The following SENP3 variants were observed in gnomAD, a reference collection of about 807,000 sequenced individuals.
SENP3 encodes the protein sentrin-specific protease 3.
SENP3 carries 11 observed loss-of-function variants against 66.2 expected under a neutral mutation model. That is an observed-to-expected ratio of 0.17 (90% CI 0.10 to 0.28). The LOEUF (loss-of-function observed/expected upper bound fraction) is 0.28. SENP3 is among the 10% of genes least tolerant of loss of function. The probability of loss-of-function intolerance (pLI) is 1.00; values close to 1 mark genes in which losing one functional copy is unlikely to be tolerated. For synonymous variants in SENP3, 292 were observed against 277.6 expected (o/e 1.05, Z -0.52); for missense variants, 548 against 743.7 (o/e 0.74, Z 3.06).
Position 7,564,952 on chromosome 17 carries a change from C to T in SENP3, c.956-7C>T, listed in dbSNP as rs775728169. On this transcript the variant is annotated splice_region_variant and splice_polypyrimidine_tract_variant and intron_variant, in intron 3 of 10. Transcript: ENST00000321337. Reference sequence around the variant, plus strand: ...GCCTCACCCCCTCCTCTCTCCCTTTCCACCAGGCATCTTGGACGAATTCCT... The same window carrying T: ...GCCTCACCCCCTCCTCTCTCCCTTTTCACCAGGCATCTTGGACGAATTCCT... 6.2e-7 allele frequency: 1 copy of T among 1,612,070 alleles called. No individual in the cohort carries two copies. Among genetic ancestry groups the T allele is most frequent in the South Asian group, 1.1e-5 (1 of 91,052 alleles).
chr17:7,565,295 T>C, intron 4 of SENP3, 145 bp from the exon 5 acceptor site: 1 of 944,598 alleles, frequency 1.1e-6, no homozygotes, highest in Non-Finnish European at 1.6e-6. Flanking sequence ...TTCTGGGGAG[T>C]GGGCCTTTCG....
Position 7,562,220 on chromosome 17 carries a change from AGACGCCCGCCTTCGG to A in SENP3, c.-53_-39del. 2.5e-6 allele frequency: 1 copy of A among 398,502 alleles called. No individual in the cohort carries two copies. 24.7% of individuals were successfully genotyped at this position (398,502 alleles called of 1,614,324 possible). On this transcript the variant is annotated 5_prime_UTR_variant, in exon 1 of 11. Coordinates refer to ENST00000321337, the MANE Select transcript of SENP3 (RefSeq NM_015670.6). This position sits in a 1 kb window ranked among gnomAD's most constrained non-coding sequence, Gnocchi z 5.0. ...GATGAGCCGGGAAGCTTGAGGCCGG[AGACGCCCGCCTTCGG>A]GCCCGTCCGCCCGGCTTCCCCGCTC...
intron 2 of SENP3, 135 bp from the exon 3 acceptor site, chr17:7,564,490 G>C: frequency 7.8e-7 from 1 of 1,280,968 alleles, no homozygotes; most frequent in Non-Finnish European, 1.1e-6. Context: ...CTTGGAGTGG[G>C]ATTGACATTG....
intron 6 of SENP3, 92 bp downstream of exon 6, chr17:7,565,856 A>G: frequency 8.9e-7 from 1 of 1,119,654 alleles, no homozygotes; most frequent in South Asian, 1.3e-5. Context: ...TTTTACACAG[A>G]GAGGGTCTCT....
chr17:7,563,034 A>T (rs1319417871), intron 1 of SENP3, 32 bp from the exon 2 acceptor site: 1 of 1,425,746 alleles, frequency 7.0e-7, no homozygotes, highest in Admixed American at 2.9e-5. Flanking sequence ...GGTGATGCTT[A>T]GATTTTGATA....
intron 7 of SENP3, among the ~76,000 whole-genome samples, chr17:7,569,381 T>C (rs1307774708): frequency 5.4e-5 from 2 of 36,912 alleles, no homozygotes; most frequent in East Asian, 2.7e-3. Context: ...CAAGACTCCG[T>C]CTCAAAAAAA....
rs1403465609 is a variant in SENP3 at position 7,565,478 on chromosome 17, G to A, written c.1106G>A (p.Arg369Gln). 5 of 1,613,684 alleles carry A rather than the reference G, an allele frequency of 3.1e-6. No homozygotes were observed. Among genetic ancestry groups the A allele is most frequent in the South Asian group, 2.2e-5 (2 of 91,004 alleles). The change falls in exon 5 of 11, where the codon CGG becomes CAG. Residue 369 changes from arginine to glutamine, a missense_variant. By Grantham distance (43) the Arg-to-Gln change is conservative (BLOSUM62 1). Transcript: ENST00000321337. ...LVLQLIQSYQ[R>Q]MPGNAMVRGF... is the part of the protein sequence containing the mutation. ...TTGCAGCTGATCCAGTCTTACCAGC[G>A]GATGCCAGGCAATGCCATGGTGAGG...
intron 7 of SENP3, among the ~76,000 whole-genome samples, chr17:7,568,003 A>C (rs1440783127): frequency 1.3e-5 from 2 of 151,198 alleles, no homozygotes; most frequent in African/African-American, 4.9e-5. Flanking sequence ...ATGTAGGATA[A>C]ATTTTACGAG....
chr17:7,562,698 TATC>T lies in SENP3; in HGVS notation c.-11-365_-11-363del, dbSNP rs1294409452. Among the ~76,000 whole-genome samples, 67 of 152,220 alleles carry T rather than the reference TATC, an allele frequency of 4.4e-4. No individual in the cohort carries two copies. Among genetic ancestry groups the T allele is most frequent in the Non-Finnish European group, 1.8e-4 (12 of 68,028 alleles). ...TTGCATTCTCCTCAAGTACCACGGTTATCATGTCCCTGAGGAAAGAAACTGCCC... is the reference window on the plus strand; with the variant it reads ...TTGCATTCTCCTCAAGTACCACGGTTATGTCCCTGAGGAAAGAAACTGCCC... On this transcript the variant is annotated intron_variant, in intron 1 of 10. Coordinates refer to ENST00000321337, the MANE Select transcript of SENP3 (RefSeq NM_015670.6). This position sits in a 1 kb window ranked among gnomAD's most constrained non-coding sequence, Gnocchi z 5.0.
intron 7 of SENP3, among the ~76,000 whole-genome samples, chr17:7,568,044 T>C (rs2071281532): frequency 6.6e-6 from 1 of 150,972 alleles, no homozygotes; most frequent in Non-Finnish European, 1.5e-5. Flanking sequence ...GGCTCTGTGA[T>C]ACTGAGAGAT....
rs774437380 is a variant in SENP3, at chr17:7,563,093, A to C, written c.17A>C (p.Gln6Pro). Residue 6 changes from glutamine to proline, a missense_variant, in exon 2 of 11, where the codon CAA becomes CCA. Physicochemically the swap from Gln to Pro is moderately conservative, Grantham distance 76 (BLOSUM62 -1). This residue lies in a region of SENP3 where 164 missense variants were observed against 167.9 expected (regional missense o/e 0.98). Coordinates refer to ENST00000321337, the MANE Select transcript of SENP3 (RefSeq NM_015670.6). MKETI[Q>P]GTGSWGPEPP... is the part of the protein sequence containing the mutation. ...TACTGGAAGATGAAAGAGACTATAC[A>C]AGGGACCGGGTCCTGGGGGCCTGAG... 6.6e-7 allele frequency: 1 copy of C among 1,513,886 alleles called. No homozygotes were observed. Among genetic ancestry groups the C allele is most frequent in the Non-Finnish European group, 8.8e-7 (1 of 1,133,322 alleles). 93.8% of individuals were successfully genotyped at this position (1,513,886 alleles called of 1,614,324 possible).
At position 7,565,548 on chromosome 17, in the gene SENP3, C is replaced by T. The variant is rs773841133; in HGVS notation, c.1176C>T (p.Asp392=). 6.0e-5 allele frequency: 97 copies of T among 1,613,782 alleles called. 1 individual carries two copies. Among genetic ancestry groups the T allele is most frequent in the Non-Finnish European group, 7.9e-5 (93 of 1,179,874 alleles). Residue 392 remains aspartate, a synonymous_variant, in exon 5 of 11, where the codon GAC becomes GAT. Transcript: ENST00000321337. ...AGCGGCACGTGCTGACCATGGATGA[C>T]TTGGGGACCTTGTATGGACAGAACT... The part of the protein sequence containing the change: ...AYKRHVLTMD[D]LGTLYGQNWL...
At chr17:7,564,141 T>G (rs1001560026) in intron 2 of SENP3, among the ~76,000 whole-genome samples, 22 of 152,170 alleles carry the variant, frequency 1.4e-4, no homozygotes, top group Non-Finnish European at 3.1e-4. Flanking sequence ...TGTATACATC[T>G]CCAGAGGGTA....
chr17:7,570,850 A>G lies in SENP3; in HGVS notation c.1564-33A>G, dbSNP rs2071307269. On this transcript the variant is annotated intron_variant, in intron 9 of 10. Transcript: ENST00000321337. The surrounding 1 kb of genome is among the most constrained non-coding windows in gnomAD (Gnocchi z 5.4). ...TGAAGTCCTACCCCTGGGAGTCTCC[A>G]TGTGAAGGGCCTGCTTTCTTTCTCT... The G allele has an allele frequency of 7.5e-6, 12 of 1,610,272 alleles. No homozygotes were observed. Among genetic ancestry groups the G allele is most frequent in the East Asian group, 2.2e-5 (1 of 44,802 alleles).
At position 7,563,216 on chromosome 17, in the gene SENP3, G is replaced by A; in HGVS notation, c.140G>A (p.Gly47Glu). 1 of 1,572,492 alleles carries A rather than the reference G, an allele frequency of 6.4e-7. No individual in the cohort carries two copies. The highest frequency in any genetic ancestry group is 8.6e-7 in the Non-Finnish European group (1 of 1,158,446). The change falls in exon 2 of 11, where the codon GGG becomes GAG. Residue 47 changes from glycine to glutamate, a missense_variant. Coordinates refer to ENST00000321337, the MANE Select transcript of SENP3 (RefSeq NM_015670.6). ...PPKPRLKSGGGFGPDPGSGTT... is the reference protein window; with the variant it reads ...PPKPRLKSGGEFGPDPGSGTT... ...AAACCCCGACTCAAGTCAGGTGGAGGGTTTGGGCCAGATCCTGGGTCAGGG... is the reference window on the plus strand; with the variant it reads ...AAACCCCGACTCAAGTCAGGTGGAGAGTTTGGGCCAGATCCTGGGTCAGGG...
At chr17:7,565,818 G>A (rs2071262844) in intron 6 of SENP3, 54 bp downstream of exon 6, 2 of 1,487,930 alleles carry the variant, frequency 1.3e-6, no homozygotes, top group Non-Finnish European at 1.9e-6. Flanking sequence ...GTTTTAAGCA[G>A]CTTTTTAAGC....
Position 7,564,795 on chromosome 17 carries a change from G to T in SENP3, c.886G>T (p.Ala296Ser), listed in dbSNP as rs753194648. 3.1e-6 allele frequency: 5 copies of T among 1,613,948 alleles called. No homozygotes were observed. Among genetic ancestry groups the T allele is most frequent in the Non-Finnish European group, 4.2e-6 (5 of 1,179,868 alleles). ...CTCAGATTTGGGCATGGCAGAAGAG[G>T]CAGAGAGGCCTGGGGAGAAAGCCGG... Reference protein sequence around the residue: ...QGSDLGMAEEAERPGEKAGQH... With the variant: ...QGSDLGMAEESERPGEKAGQH... Residue 296 changes from alanine to serine, a missense_variant, in exon 3 of 11, where the codon GCA becomes TCA. Ala to Ser is a moderately conservative substitution (Grantham distance 99). This residue lies in a region of SENP3 where 215 missense variants were observed against 230.7 expected (regional missense o/e 0.93). Coordinates refer to ENST00000321337, the MANE Select transcript of SENP3 (RefSeq NM_015670.6).
rs762482230 is a variant in SENP3, at chr17:7,571,492, C to T, written c.*9C>T. Reference sequence around the variant, plus strand: ...GCAAACTCACTGTGTGAGCCTCGTACCCCAGACCCCAAGCCCATAAATGGG... The same window carrying T: ...GCAAACTCACTGTGTGAGCCTCGTATCCCAGACCCCAAGCCCATAAATGGG... On this transcript the variant is annotated 3_prime_UTR_variant, in exon 11 of 11. Coordinates refer to ENST00000321337, the MANE Select transcript of SENP3 (RefSeq NM_015670.6). 6.2e-7 allele frequency: 1 copy of T among 1,600,388 alleles called. No homozygotes were observed. Among genetic ancestry groups the T allele is most frequent in the Non-Finnish European group, 8.6e-7 (1 of 1,167,942 alleles).
At position 7,570,336 on chromosome 17, in the gene SENP3, C is replaced by T. The variant is rs746467630; in HGVS notation, c.1342-20C>T. On this transcript the variant is annotated intron_variant, in intron 7 of 10. Transcript: ENST00000321337. This position sits in a 1 kb window ranked among gnomAD's most constrained non-coding sequence, Gnocchi z 5.4. Reference sequence around the variant, plus strand: ...AAGACTTCTGTTTGTTGTACCTGACCTGTGGCACTATCTCTTTAGGTGGAC... The same window carrying T: ...AAGACTTCTGTTTGTTGTACCTGACTTGTGGCACTATCTCTTTAGGTGGAC... 5 of 1,608,856 alleles carry T rather than the reference C, an allele frequency of 3.1e-6. No homozygotes were observed. The Admixed American group carries it at 6.7e-5, about 21-fold the overall frequency.
Sources: allele counts gnomAD v4.1 joint callset (sites outside exome capture counted in the v4.1 genomes callset), GRCh38; gene constraint gnomAD v4.1.1; regional missense constraint gnomAD v4.1.1; non-coding constraint Gnocchi (gnomAD v3.1); transcripts MANE v1.5; gene names NCBI Gene and HGNC (gene_info 2026-07-23, HGNC 2026-07-21).